Variants in MYO16 observed in about 807,000 individuals in gnomAD.
MYO16 encodes myosin XVI.
A neutral mutation model predicts 205.3 loss-of-function variants in MYO16; 94 were observed. The ratio of observed to expected loss-of-function variants is 0.46; its 90% confidence interval spans 0.39 to 0.54. The LOEUF (loss-of-function observed/expected upper bound fraction) is 0.54, where lower values mean the gene tolerates loss of function less well. Among genes scored for constraint, MYO16 ranks in the 20% least tolerant of loss-of-function variants. MYO16 has a pLI of 0.00. For missense variants in MYO16, 2,315 were observed against 2,387.5 expected, an observed-to-expected ratio of 0.97 and a Z score of 0.63; for synonymous variants, 988 against 954.0, an observed-to-expected ratio of 1.04 and a Z score of -0.66.
At chr13:108,731,447 C>T (rs951713357) in intron 4 of MYO16, among the ~76,000 whole-genome samples, 1 of 152,188 alleles carries the variant, frequency 6.6e-6, no homozygotes, top group Admixed American at 6.5e-5. Flanking sequence ...CTCACGTGTT[C>T]TACACTTGTA....
At chr13:109,018,743 GGAAAGGGAAATCCCCC>G (rs1885918503) in intron 22 of MYO16, among the ~76,000 whole-genome samples, 1 of 152,158 alleles carries the variant, frequency 6.6e-6, no homozygotes, top group Non-Finnish European at 1.5e-5. Context: ...CCCTTGGCTA[GGAAAGGGAAATCCCCC>G]GACCCCTTGC....
intron 32 of MYO16, among the ~76,000 whole-genome samples, chr13:109,159,819 C>T (rs1472138148): frequency 1.3e-5 from 2 of 152,194 alleles, no homozygotes; most frequent in East Asian, 3.8e-4. Flanking sequence ...GCCGGGAAGG[C>T]AAGACCGAGG....
chr13:109,119,308 T>C (rs935196238), intron 28 of MYO16, among the ~76,000 whole-genome samples: 1 of 152,208 alleles, frequency 6.6e-6, no homozygotes, highest in African/African-American at 2.4e-5. Context: ...CAGTTCATGC[T>C]TGAGAGCACA....
chr13:108,981,694 C>A (rs200090388), intron 20 of MYO16, among the ~76,000 whole-genome samples: 1 of 152,200 alleles, frequency 6.6e-6, no homozygotes, highest in Admixed American at 6.5e-5. Context: ...GTCTGCCAGG[C>A]GGCCCAAGGT....
At chr13:108,865,458 T>C (rs1039861617) in intron 11 of MYO16, among the ~76,000 whole-genome samples, 9 of 152,146 alleles carry the variant, frequency 5.9e-5, no homozygotes, top group African/African-American at 2.2e-4. Context: ...ATTAATTATT[T>C]CCATAGTCAC....
chr13:108,601,919 A>C (rs1488090887), intron 1 of MYO16, among the ~76,000 whole-genome samples: 2 of 151,944 alleles, frequency 1.3e-5, no homozygotes, highest in African/African-American at 4.8e-5. Context: ...TGTGGACTGA[A>C]TGTTTGTGAC....
chr13:108,936,373 G>A (rs1186460607), intron 16 of MYO16, among the ~76,000 whole-genome samples: 2 of 151,856 alleles, frequency 1.3e-5, no homozygotes, highest in Non-Finnish European at 1.5e-5. Flanking sequence ...TTGGTTGGTA[G>A]GTTTTTTATT....
chr13:109,119,210 G>A (rs182955262), intron 28 of MYO16, among the ~76,000 whole-genome samples: 52 of 152,250 alleles, frequency 3.4e-4, no homozygotes, highest in Non-Finnish European at 5.6e-4. Context: ...AACCTTTCCC[G>A]TACCTGATGA....
the MYO16 span, among the ~76,000 whole-genome samples, chr13:108,524,273 C>A: frequency 2.6e-5 from 4 of 151,684 alleles, no homozygotes; most frequent in Admixed American, 2.0e-4. Context: ...GCACTCCACT[C>A]CAGCCTCGGC....
At chr13:108,900,424 A>G (rs1448253644) in intron 15 of MYO16, among the ~76,000 whole-genome samples, 1 of 152,178 alleles carries the variant, frequency 6.6e-6, no homozygotes, top group Non-Finnish European at 1.5e-5. Context: ...TGTTGCAGGA[A>G]GTCAGGGACC....
At chr13:108,759,616 T>G (rs1885531381) in intron 4 of MYO16, among the ~76,000 whole-genome samples, 1 of 151,996 alleles carries the variant, frequency 6.6e-6, no homozygotes, top group Non-Finnish European at 1.5e-5. Flanking sequence ...GGTCAGGAGA[T>G]TGAGACCATC....
chr13:108,630,474 A>T (rs988855369), intron 1 of MYO16, among the ~76,000 whole-genome samples: 4 of 152,204 alleles, frequency 2.6e-5, no homozygotes, highest in Non-Finnish European at 5.9e-5. Context: ...TTTTGGGCTT[A>T]TCAAGGGTTT....
chr13:108,950,152 A>G (rs893625234), intron 16 of MYO16, among the ~76,000 whole-genome samples: 1 of 152,232 alleles, frequency 6.6e-6, no homozygotes, highest in Non-Finnish European at 1.5e-5. Context: ...TAAGCTTGAC[A>G]TCAAAATCAT....
intron 32 of MYO16, among the ~76,000 whole-genome samples, chr13:109,160,442 G>A (rs943420259): frequency 2.6e-5 from 4 of 151,982 alleles, no homozygotes; most frequent in Non-Finnish European, 4.4e-5. Flanking sequence ...CAATTCTCTC[G>A]TACCTGTAAA....
At chr13:109,065,908 A>G (rs1213302656) in intron 27 of MYO16, among the ~76,000 whole-genome samples, 2 of 152,240 alleles carry the variant, frequency 1.3e-5, no homozygotes, top group African/African-American at 2.4e-5. Context: ...AGGAGAACTT[A>G]TTTGGAAAAG....
the MYO16 span, among the ~76,000 whole-genome samples, chr13:108,581,838 C>T: frequency 2.7e-5 from 4 of 147,564 alleles, no homozygotes; most frequent in East Asian, 2.0e-4. Context: ...GAGATCATGC[C>T]GTTGCACTCC....
At chr13:108,735,498 T>TATATACCATGTGTATTCCATGGC (rs1360713820) in intron 4 of MYO16, among the ~76,000 whole-genome samples, 9 of 152,126 alleles carry the variant, frequency 5.9e-5, no homozygotes, top group Non-Finnish European at 8.8e-5. Context: ...TATTCCATGG[T>TATATACCATGTGTATTCCATGGC]ATACACCAAG....
chr13:108,719,727 CA>C (rs1461333915), intron 3 of MYO16, among the ~76,000 whole-genome samples: 10 of 152,308 alleles, frequency 6.6e-5, no homozygotes, highest in Admixed American at 3.3e-4. Context: ...TTCAATTATC[CA>C]ATTCCTATCA....
At chr13:108,981,526 C>T (rs1045811211) in intron 20 of MYO16, among the ~76,000 whole-genome samples, 2 of 152,230 alleles carry the variant, frequency 1.3e-5, no homozygotes, top group Non-Finnish European at 2.9e-5. Flanking sequence ...GTGCCAATTC[C>T]GAAGCCTTGC....
Sources: allele counts gnomAD v4.1 joint callset (sites outside exome capture counted in the v4.1 genomes callset), GRCh38; gene constraint gnomAD v4.1.1; transcripts MANE v1.5; gene names NCBI Gene and HGNC (gene_info 2026-07-23, HGNC 2026-07-21).